The following GABRB2 variants were observed in gnomAD, a reference collection of about 807,000 sequenced individuals.
The protein encoded by GABRB2 is gamma-aminobutyric acid type A receptor subunit beta2.
Under a neutral mutation model 54.7 loss-of-function variants are expected in GABRB2, and 16 were observed. That is an observed-to-expected ratio of 0.29 (90% CI 0.20 to 0.44). The LOEUF (loss-of-function observed/expected upper bound fraction) is 0.44. GABRB2 is among the 20% of genes least tolerant of loss of function. GABRB2 has a pLI of 1.00. For missense variants in GABRB2, 355 were observed against 644.0 expected (o/e 0.55, Z 4.86); for synonymous variants, 244 against 233.8 (o/e 1.04, Z -0.40).
At chr5:161,311,060 G>A (rs777584529) in intron 9 of GABRB2, among the ~76,000 whole-genome samples, 7 of 152,018 alleles carry the variant, frequency 4.6e-5, no homozygotes, top group Admixed American at 1.3e-4. Flanking sequence ...ACGCCTGGCC[G>A]TTATCCTAAA....
intron 5 of GABRB2, among the ~76,000 whole-genome samples, chr5:161,358,227 AG>A (rs1473747308): frequency 1.3e-5 from 2 of 152,212 alleles, no homozygotes; most frequent in African/African-American, 4.8e-5. Flanking sequence ...GTGGAGGCTA[AG>A]GAACAGTTTC....
chr5:161,322,113 C>T (rs893761586), intron 9 of GABRB2, among the ~76,000 whole-genome samples: 2 of 152,016 alleles, frequency 1.3e-5, no homozygotes, highest in African/African-American at 4.8e-5. Flanking sequence ...ATCATGTTCT[C>T]CAGGTCTCAG....
intron 3 of GABRB2, among the ~76,000 whole-genome samples, chr5:161,503,873 C>G (rs1034798774): frequency 8.6e-5 from 13 of 151,594 alleles, no homozygotes; most frequent in African/African-American, 2.9e-4. Context: ...AAAAAAATAT[C>G]CTAATACTAA....
intron 8 of GABRB2, 45 bp downstream of exon 8, chr5:161,330,838 T>C: frequency 6.2e-7 from 1 of 1,612,930 alleles, no homozygotes; most frequent in South Asian, 1.1e-5. Flanking sequence ...GCTAGCATTC[T>C]TCCATGAGTT....
chr5:161,440,212 A>T (rs550718810), intron 4 of GABRB2, among the ~76,000 whole-genome samples: 2 of 152,252 alleles, frequency 1.3e-5, no homozygotes, highest in Admixed American at 1.3e-4. Flanking sequence ...GAAAATAAAT[A>T]ACAAAATGGT....
chr5:161,532,572 C>A (rs1001566622), intron 3 of GABRB2, among the ~76,000 whole-genome samples: 2 of 152,094 alleles, frequency 1.3e-5, no homozygotes, highest in African/African-American at 4.8e-5. Context: ...GTATACTCAA[C>A]ATTTTATTTT....
intron 9 of GABRB2, among the ~76,000 whole-genome samples, chr5:161,300,988 C>T (rs967022037): frequency 6.6e-6 from 1 of 152,172 alleles, no homozygotes; most frequent in African/African-American, 2.4e-5. Flanking sequence ...AGGTTTTACA[C>T]AACTATCCTA....
chr5:161,298,828 A>G, intron 9 of GABRB2, among the ~76,000 whole-genome samples: 1 of 152,236 alleles, frequency 6.6e-6, no homozygotes, highest in East Asian at 1.9e-4. Flanking sequence ...GACCTCTTTC[A>G]GTTATCCCAG....
intron 5 of GABRB2, among the ~76,000 whole-genome samples, chr5:161,361,366 A>G (rs1007053700): frequency 6.6e-6 from 1 of 152,142 alleles, no homozygotes; most frequent in Non-Finnish European, 1.5e-5. Flanking sequence ...TGCTTTAGAA[A>G]TAATCCTTAT....
chr5:161,289,101 G>C lies in GABRB2; in HGVS notation c.*4980C>G, dbSNP rs1024230697. The C allele has an allele frequency of 1.1e-4, 16 of 152,046 alleles. No homozygotes were observed. The highest frequency in any genetic ancestry group is 2.0e-4 in the Admixed American group (3 of 15,244). 9.4% of individuals were successfully genotyped at this position (152,046 alleles called of 1,614,324 possible). On this transcript the variant is annotated 3_prime_UTR_variant, in exon 10 of 10. Coordinates refer to ENST00000393959, the MANE Select transcript of GABRB2 (RefSeq NM_001371727.1). The stretch of plus-strand genomic sequence containing the variant: ...CATACAGTTTTGTTTTTCATCATTT[G>C]AATCATATTGATCTTCATCACAAAT...
intron 5 of GABRB2, among the ~76,000 whole-genome samples, chr5:161,346,645 C>T (rs1316330802): frequency 6.6e-6 from 1 of 152,006 alleles, no homozygotes; most frequent in African/African-American, 2.4e-5. Flanking sequence ...GCAGGATGCT[C>T]CTGAAGATAA....
At chr5:161,371,408 A>G (rs1165729973) in intron 5 of GABRB2, among the ~76,000 whole-genome samples, 1 of 152,184 alleles carries the variant, frequency 6.6e-6, no homozygotes, top group Admixed American at 6.5e-5. Flanking sequence ...GAGAAGATAC[A>G]ATTCAATCTC....
chr5:161,403,430 G>A (rs1324232817), intron 5 of GABRB2, among the ~76,000 whole-genome samples: 2 of 152,116 alleles, frequency 1.3e-5, no homozygotes, highest in Non-Finnish European at 2.9e-5. Context: ...AAACCATCAT[G>A]TAAAAGTGCT....
intron 4 of GABRB2, among the ~76,000 whole-genome samples, chr5:161,426,032 G>A (rs532000767): frequency 2.4e-4 from 37 of 152,154 alleles, no homozygotes; most frequent in Admixed American, 1.7e-3. Flanking sequence ...ATAAAGAAGC[G>A]TACACAAGGA....
chr5:161,341,928 T>A (rs1302285079), intron 5 of GABRB2, among the ~76,000 whole-genome samples: 1 of 106,966 alleles, frequency 9.3e-6, no homozygotes, highest in Non-Finnish European at 1.9e-5. Context: ...CCACTATTTA[T>A]TTTTTCTTTT....
chr5:161,436,143 G>A (rs774869103), intron 4 of GABRB2, among the ~76,000 whole-genome samples: 6 of 152,100 alleles, frequency 3.9e-5, no homozygotes, highest in South Asian at 2.1e-4. Context: ...CACTTTCTTC[G>A]TGTGTAAAAA....
At chr5:161,312,449 G>A (rs1051377859) in intron 9 of GABRB2, among the ~76,000 whole-genome samples, 4 of 152,064 alleles carry the variant, frequency 2.6e-5, no homozygotes, top group Non-Finnish European at 5.9e-5. Flanking sequence ...TAAGAAGGAA[G>A]GTCAACCCCA....
intron 3 of GABRB2, among the ~76,000 whole-genome samples, chr5:161,503,729 T>TAAAAAAAAAAAAAAAAAAAA (rs1759519058): frequency 7.4e-6 from 1 of 136,038 alleles, no homozygotes; most frequent in African/African-American, 2.8e-5. Flanking sequence ...AAAAAAAAAG[T>TAAAAAAAAAAAAAAAAAAAA]AAAATGTAAT....
intron 4 of GABRB2, among the ~76,000 whole-genome samples, chr5:161,457,573 G>A (rs1169579128): frequency 1.3e-5 from 2 of 150,852 alleles, no homozygotes; most frequent in African/African-American, 2.4e-5. Flanking sequence ...AGCCTCCCGA[G>A]TAGCTGGGAC....
Sources: allele counts gnomAD v4.1 joint callset (sites outside exome capture counted in the v4.1 genomes callset), GRCh38; gene constraint gnomAD v4.1.1; transcripts MANE v1.5; gene names NCBI Gene and HGNC (gene_info 2026-07-23, HGNC 2026-07-21).